TAB2: variants seen among roughly 807,000 people sequenced by gnomAD.
TAB2 encodes the protein TGF-beta activated kinase 1 (MAP3K7) binding protein 2, also known as TGF-beta-activated kinase 1 and MAP3K7-binding protein 2.
In TAB2, 3 loss-of-function variants were observed where a neutral mutation model predicts 65.0. That is an observed-to-expected ratio of 0.05 (90% CI 0.02 to 0.12). The LOEUF is 0.12. Among genes scored for constraint, TAB2 ranks in the 10% least tolerant of loss-of-function variants. The pLI is 1.00. For missense variants in TAB2, 623 were observed against 840.3 expected, an observed-to-expected ratio of 0.74 and a Z score of 3.20; for synonymous variants, 298 against 285.1, an observed-to-expected ratio of 1.05 and a Z score of -0.46.
intron 1 of TAB2, among the ~76,000 whole-genome samples, chr6:149,295,829 G>A (rs372268414): frequency 6.6e-6 from 1 of 152,178 alleles, no homozygotes; most frequent in South Asian, 2.1e-4. Flanking sequence ...CTGGGGTGCA[G>A]TGGCATGATC....
At chr6:149,245,213 G>A (rs1258503157) in intron 1 of TAB2, 1 of 152,172 alleles carries the variant, frequency 6.6e-6, no homozygotes, top group Non-Finnish European at 1.5e-5. Flanking sequence ...AGATTCAGTA[G>A]GGCTTAAAGA....
intron 1 of TAB2, among the ~76,000 whole-genome samples, chr6:149,332,992 T>G (rs1368597363): frequency 6.6e-6 from 1 of 152,228 alleles, no homozygotes; most frequent in Admixed American, 6.6e-5. Flanking sequence ...TCGTTTTATT[T>G]ACCCCCATTG....
At chr6:149,253,421 G>A (rs1308065782) in intron 1 of TAB2, among the ~76,000 whole-genome samples, 1 of 151,884 alleles carries the variant, frequency 6.6e-6, no homozygotes, top group Non-Finnish European at 1.5e-5. Context: ...AGGAGTTTGA[G>A]ACCAGCCTGG....
intron 6 of TAB2, among the ~76,000 whole-genome samples, chr6:149,405,168 C>A (rs1042734161): frequency 3.9e-5 from 6 of 152,204 alleles, no homozygotes; most frequent in African/African-American, 1.4e-4. Context: ...GAAAGGTACT[C>A]ACCCTCACTA....
chr6:149,262,026 C>T (rs1304417242), intron 1 of TAB2, among the ~76,000 whole-genome samples: 1 of 152,200 alleles, frequency 6.6e-6, no homozygotes, highest in Non-Finnish European at 1.5e-5. Flanking sequence ...AGCAAAATCC[C>T]TACTTCTTGA....
intron 1 of TAB2, among the ~76,000 whole-genome samples, chr6:149,329,325 A>G (rs79995379): frequency 0.029 from 2,466 of 85,536 alleles, 31 homozygotes; most frequent in Middle Eastern, 0.056. Flanking sequence ...AAGAATAGGT[A>G]ATGTGTTTGA....
intron 6 of TAB2, chr6:149,400,343 C>G (rs1468537129): frequency 6.3e-7 from 1 of 1,588,706 alleles, no homozygotes; most frequent in Admixed American, 1.7e-5. Flanking sequence ...AGGTGCGGAC[C>G]CGCCACCTCT....
intron 1 of TAB2, among the ~76,000 whole-genome samples, chr6:149,347,570 GATTTAGT>G (rs1780346068): frequency 6.6e-6 from 1 of 152,078 alleles, no homozygotes; most frequent in Non-Finnish European, 1.5e-5. Flanking sequence ...TGTGTGAAAT[GATTTAGT>G]ATTATAAATG....
chr6:149,296,819 T>A (rs1167054380), intron 1 of TAB2, among the ~76,000 whole-genome samples: 1 of 152,252 alleles, frequency 6.6e-6, no homozygotes, highest in Non-Finnish European at 1.5e-5. Context: ...CAAGGTCACC[T>A]GACTATTAAG....
intron 1 of TAB2, among the ~76,000 whole-genome samples, chr6:149,324,938 A>C (rs1388020445): frequency 6.6e-6 from 1 of 151,444 alleles, no homozygotes. Context: ...CTGGGACTAC[A>C]AGTGTGCGCA....
intron 1 of TAB2, among the ~76,000 whole-genome samples, chr6:149,354,908 T>C (rs923230272): frequency 6.6e-6 from 1 of 152,202 alleles, no homozygotes; most frequent in Non-Finnish European, 1.5e-5. Context: ...TTGGCAAATA[T>C]ATATAGTTTT....
intron 1 of TAB2, among the ~76,000 whole-genome samples, chr6:149,344,783 A>T (rs1780239602): frequency 6.6e-6 from 1 of 152,128 alleles, no homozygotes; most frequent in South Asian, 2.1e-4. Context: ...AGGGACATTT[A>T]CTCTGTCAGG....
rs370126366 is a variant in TAB2, at chr6:149,370,111, A to G, written c.102+12A>G. 32 of 1,607,722 alleles carry G rather than the reference A, an allele frequency of 2.0e-5. No individual in the cohort carries two copies. Among genetic ancestry groups the G allele is most frequent in the Middle Eastern group, 1.6e-4 (1 of 6,064 alleles). ...GGTGCATGTTACAGGTCAGTGTTCA[A>G]TGATTTCTGAATTTGTTAATACAAA... is the stretch of plus-strand genomic sequence containing the variant. On this transcript the variant is annotated intron_variant, in intron 2 of 6. Transcript: ENST00000637181.
At chr6:149,306,276 C>G (rs1445209295) in intron 1 of TAB2, among the ~76,000 whole-genome samples, 1 of 152,152 alleles carries the variant, frequency 6.6e-6, no homozygotes. Flanking sequence ...TGCGGTGGCT[C>G]ACGCCTGTAA....
At chr6:149,218,112 G>A (rs188260374), upstream of TAB2, 1 of 152,134 alleles carries the variant, frequency 6.6e-6, no homozygotes, top group African/African-American at 2.4e-5. Context: ...GCAATTTTGG[G>A]CTTTCTGCAC....
rs566170792 is a variant in TAB2, at chr6:149,266,883, G to A, written c.-121+48107G>A. On this transcript the variant is annotated intron_variant, in intron 1 of 1. Transcript: ENST00000606202. ...TCTTACAGGGAGAAACGAACATAAA[G>A]GATTGTAGAACCGAAAATGCAAAAG... 3.3e-5 allele frequency among the ~76,000 whole-genome samples: 5 copies of A among 152,224 alleles called. No homozygotes were observed. The East Asian group carries it at 5.8e-4, about 18-fold the overall frequency.
intron 1 of TAB2, among the ~76,000 whole-genome samples, chr6:149,296,326 A>G (rs1778876243): frequency 6.6e-6 from 1 of 152,176 alleles, no homozygotes; most frequent in Non-Finnish European, 1.5e-5. Flanking sequence ...CACTCTGAGC[A>G]AGCTCTGGAC....
intron 1 of TAB2, among the ~76,000 whole-genome samples, chr6:149,320,809 CT>C (rs565339547): frequency 4.1e-4 from 63 of 152,244 alleles, no homozygotes; most frequent in Middle Eastern, 3.4e-3. Flanking sequence ...ATAAATTAAA[CT>C]GTAATTGAAA....
chr6:149,256,705 G>A (rs1778043338), intron 1 of TAB2, among the ~76,000 whole-genome samples: 1 of 152,130 alleles, frequency 6.6e-6, no homozygotes, highest in South Asian at 2.1e-4. Context: ...GCATTTGGTG[G>A]ATGTTCCCAA....
Sources: allele counts gnomAD v4.1 joint callset (sites outside exome capture counted in the v4.1 genomes callset), GRCh38; gene constraint gnomAD v4.1.1; transcripts MANE v1.5; gene names NCBI Gene and HGNC (gene_info 2026-07-23, HGNC 2026-07-21).